Variants in CHN1 observed in about 807,000 individuals in gnomAD.
CHN1 encodes the protein chimerin 1.
In CHN1, 37 loss-of-function variants were observed where a neutral mutation model predicts 59.5. The ratio of observed to expected loss-of-function variants is 0.62; its 90% CI spans 0.48 to 0.82. The LOEUF is 0.82. Among genes scored for constraint, CHN1 ranks in the 40% least tolerant of loss-of-function variants. The pLI, the probability that CHN1 is intolerant of heterozygous loss-of-function variation, is 0.00. For synonymous variants in CHN1, 206 were observed against 200.4 expected (o/e 1.03, Z -0.24); for missense variants, 469 against 571.0 (o/e 0.82, Z 1.82).
rs946954947 is a variant in CHN1, at chr2:174,799,540, CAA to C, written c.*574_*575del. The C allele has an allele frequency of 3.8e-6, 2 of 521,210 alleles. No homozygotes were observed. The highest frequency in any genetic ancestry group is 7.5e-6 in the Non-Finnish European group (2 of 268,258). 32.3% of individuals were successfully genotyped at this position (521,210 alleles called of 1,614,324 possible). On this transcript the variant is annotated 3_prime_UTR_variant, in exon 13 of 13. Transcript: ENST00000409900. ...GTATGGATAACCTTTATTAAAGTAACAAATCTGAAAACACATTTTGCTTTTGC... is the reference window on the plus strand; with the variant it reads ...GTATGGATAACCTTTATTAAAGTAACATCTGAAAACACATTTTGCTTTTGC...
At chr2:174,848,447 T>C (rs1408815471) in intron 6 of CHN1, among the ~76,000 whole-genome samples, 3 of 152,212 alleles carry the variant, frequency 2.0e-5, no homozygotes, top group Non-Finnish European at 4.4e-5. Context: ...TTTCCCATTT[T>C]GGTTCCCTAA....
intron 6 of CHN1, among the ~76,000 whole-genome samples, chr2:174,876,827 G>A (rs1242189834): frequency 6.6e-6 from 1 of 152,026 alleles, no homozygotes. Context: ...AAGTGCTGAT[G>A]GAGCATTTTA....
intron 3 of CHN1, among the ~76,000 whole-genome samples, chr2:174,934,549 C>T (rs527794736): frequency 2.6e-4 from 39 of 152,252 alleles, no homozygotes; most frequent in African/African-American, 9.1e-4. Context: ...GGCCGGGGAC[C>T]CCTGTATTAG....
chr2:174,824,630 A>ATATATC lies in CHN1; in HGVS notation c.628-113_628-112insGATATA, dbSNP rs1340028420. 233 of 474,156 alleles carry ATATATC rather than the reference A, an allele frequency of 4.9e-4. 1 individual carries two copies. Among genetic ancestry groups the ATATATC allele is most frequent in the South Asian group, 3.3e-3 (123 of 37,138 alleles). The allele number at this position is 474,156 out of a possible 1,614,324, so 29.4% of individuals were successfully genotyped here. A position where few individuals can be genotyped will look rare whatever the true frequency, so the allele number is the denominator to read the frequency against. On this transcript the variant is annotated intron_variant, in intron 7 of 12. Transcript: ENST00000409900. ...CCACATATTCTATATATATATATAT[A>ATATATC]TGAGAGAAAGAGAAATGGGGTCTCA... is the stretch of plus-strand genomic sequence containing the variant.
intron 6 of CHN1, among the ~76,000 whole-genome samples, chr2:174,860,193 A>G (rs572566462): frequency 6.6e-6 from 1 of 152,304 alleles, no homozygotes; most frequent in African/African-American, 2.4e-5. Flanking sequence ...CTCTTGAGCA[A>G]CTAATTAAAC....
intron 1 of CHN1, among the ~76,000 whole-genome samples, chr2:174,972,538 T>A (rs969130306): frequency 6.6e-6 from 1 of 152,166 alleles, no homozygotes; most frequent in Non-Finnish European, 1.5e-5. Context: ...GATTAATAAA[T>A]GAGTGATCTA....
intron 11 of CHN1, 43 bp from the exon 12 acceptor site, chr2:174,801,855 A>G: frequency 7.3e-7 from 1 of 1,363,686 alleles, no homozygotes; most frequent in Non-Finnish European, 1.0e-6. Flanking sequence ...GAAATAACAC[A>G]AAACTGATAC....
intron 6 of CHN1, among the ~76,000 whole-genome samples, chr2:174,849,649 A>AT (rs1686660994): frequency 6.6e-6 from 1 of 152,242 alleles, no homozygotes; most frequent in South Asian, 2.1e-4. Flanking sequence ...ACTCATATAT[A>AT]GAATCTATTA....
intron 1 of CHN1, among the ~76,000 whole-genome samples, chr2:174,979,845 C>T (rs957856658): frequency 6.6e-6 from 1 of 152,106 alleles, no homozygotes; most frequent in Non-Finnish European, 1.5e-5. Context: ...CACACCACTG[C>T]ACTCCAGCCT....
chr2:174,954,928 C>T (rs1407965685), intron 1 of CHN1, among the ~76,000 whole-genome samples: 1 of 151,924 alleles, frequency 6.6e-6, no homozygotes, highest in Non-Finnish European at 1.5e-5. Flanking sequence ...TCCAGTAATT[C>T]CACTCCTGGG....
intron 4 of CHN1, among the ~76,000 whole-genome samples, chr2:174,916,204 T>A (rs1356879850): frequency 6.6e-6 from 1 of 152,166 alleles, no homozygotes; most frequent in Non-Finnish European, 1.5e-5. Flanking sequence ...TTTCACAAAC[T>A]ATCATTTACC....
At chr2:174,854,073 A>G (rs538020101) in intron 6 of CHN1, among the ~76,000 whole-genome samples, 5 of 152,328 alleles carry the variant, frequency 3.3e-5, no homozygotes, top group Admixed American at 3.3e-4. Context: ...TGAAAAAATA[A>G]ATAAAAATGT....
chr2:174,846,835 C>A (rs1304111378), intron 7 of CHN1, 45 bp downstream of exon 7: 1 of 1,434,458 alleles, frequency 7.0e-7, no homozygotes, highest in South Asian at 1.3e-5. Flanking sequence ...TTATATATTT[C>A]AAGTAATATG....
intron 7 of CHN1, among the ~76,000 whole-genome samples, chr2:174,832,044 C>T (rs1685898631): frequency 6.6e-6 from 1 of 152,070 alleles, no homozygotes; most frequent in Admixed American, 6.5e-5. Flanking sequence ...GTCTTGTGAT[C>T]CACAATTCTT....
intron 5 of CHN1, 65 bp downstream of exon 5, chr2:174,914,993 T>G: frequency 1.1e-6 from 1 of 912,432 alleles, no homozygotes; most frequent in Non-Finnish European, 1.6e-6. Context: ...GCTTTTAAAA[T>G]TTAAAGCCCT....
At chr2:174,986,257 T>C (rs1048946396) in intron 1 of CHN1, among the ~76,000 whole-genome samples, 3 of 152,154 alleles carry the variant, frequency 2.0e-5, no homozygotes, top group Non-Finnish European at 4.4e-5. Flanking sequence ...TTTTATAATA[T>C]AGCGAACACA....
intron 1 of CHN1, among the ~76,000 whole-genome samples, chr2:174,967,264 G>C (rs1419447363): frequency 2.0e-5 from 3 of 152,086 alleles, no homozygotes; most frequent in Non-Finnish European, 2.9e-5. Flanking sequence ...GGCATGCAGG[G>C]AGGATTGCTC....
chr2:174,846,810 G>A, intron 7 of CHN1, 70 bp downstream of exon 7: 1 of 1,331,558 alleles, frequency 7.5e-7, no homozygotes, highest in South Asian at 1.6e-5. Context: ...AAAGACATAA[G>A]ATATTCCTTT....
chr2:174,815,589 C>CTTTTTTTTTTTTTTT (rs5836474), intron 8 of CHN1, among the ~76,000 whole-genome samples: 1 of 127,566 alleles, frequency 7.8e-6, no homozygotes, highest in African/African-American at 2.8e-5. Flanking sequence ...CGGATATTTC[C>CTTTTTTTTTTTTTTT]TTTTTTTTTT....
Sources: allele counts gnomAD v4.1 joint callset (sites outside exome capture counted in the v4.1 genomes callset), GRCh38; gene constraint gnomAD v4.1.1; transcripts MANE v1.5; gene names NCBI Gene and HGNC (gene_info 2026-07-23, HGNC 2026-07-21).